Variants in NPAS3 observed in about 807,000 individuals in gnomAD.
NPAS3 encodes neuronal PAS domain-containing protein 3.
Under a neutral mutation model 73.1 loss-of-function variants are expected in NPAS3, and 14 were observed. The observed-to-expected ratio is 0.19, with a 90% CI of 0.13 to 0.30. The LOEUF (loss-of-function observed/expected upper bound fraction) is 0.30, where lower values mean the gene tolerates loss of function less well. Ranked by LOEUF, NPAS3 falls within the 10% of genes least tolerant of loss-of-function variation. The pLI is 1.00. For synonymous variants in NPAS3, 620 were observed against 541.5 expected (o/e 1.14, Z -2.01); for missense variants, 1,096 against 1,250.0 (o/e 0.88, Z 1.86).
chr14:33,556,806 C>T (rs2055376623), intron 4 of NPAS3, among the ~76,000 whole-genome samples: 1 of 152,222 alleles, frequency 6.6e-6, no homozygotes, highest in Non-Finnish European at 1.5e-5. Flanking sequence ...TATCCCCACA[C>T]CAGCTTCATC....
At chr14:33,499,645 C>T (rs952442591) in intron 4 of NPAS3, among the ~76,000 whole-genome samples, 4 of 151,912 alleles carry the variant, frequency 2.6e-5, no homozygotes, top group African/African-American at 9.7e-5. Flanking sequence ...GGGTGTGCCT[C>T]CCAACTTGCT....
intron 3 of NPAS3, among the ~76,000 whole-genome samples, chr14:33,340,929 C>A (rs1309278813): frequency 6.6e-6 from 1 of 152,172 alleles, no homozygotes; most frequent in Non-Finnish European, 1.5e-5. Context: ...ACCACTGTCA[C>A]CTTATACTAA....
At chr14:33,737,006 A>G (rs977051392) in intron 7 of NPAS3, among the ~76,000 whole-genome samples, 2 of 152,190 alleles carry the variant, frequency 1.3e-5, no homozygotes, top group Admixed American at 6.5e-5. Flanking sequence ...CAACATTCCT[A>G]AAGTGTTTTT....
intron 4 of NPAS3, among the ~76,000 whole-genome samples, chr14:33,370,065 C>G (rs552562988): frequency 6.6e-6 from 1 of 152,282 alleles, no homozygotes; most frequent in African/African-American, 2.4e-5. Flanking sequence ...TAGGCATGAT[C>G]TCCAACCTGA....
chr14:33,368,903 T>A (rs2045958988), intron 4 of NPAS3, among the ~76,000 whole-genome samples: 1 of 152,158 alleles, frequency 6.6e-6, no homozygotes, highest in Non-Finnish European at 1.5e-5. Flanking sequence ...TCTGAAGCAC[T>A]CAGAAATTGT....
intron 2 of NPAS3, among the ~76,000 whole-genome samples, chr14:33,208,560 T>A (rs2046915274): frequency 6.6e-6 from 1 of 152,218 alleles, no homozygotes; most frequent in Non-Finnish European, 1.5e-5. Flanking sequence ...ACTCTAAGTA[T>A]ACATCTTGAT....
At chr14:33,110,507 A>G (rs919965505) in intron 2 of NPAS3, among the ~76,000 whole-genome samples, 1 of 152,186 alleles carries the variant, frequency 6.6e-6, no homozygotes, top group African/African-American at 2.4e-5. Context: ...TGTTTTACTA[A>G]CTTTTTGAAC....
intron 2 of NPAS3, among the ~76,000 whole-genome samples, chr14:33,064,589 G>A (rs2041218139): frequency 1.3e-5 from 2 of 152,128 alleles, no homozygotes; most frequent in Non-Finnish European, 1.5e-5. Flanking sequence ...AGTGGTGGGC[G>A]GGGAGGGGGA....
intron 3 of NPAS3, among the ~76,000 whole-genome samples, chr14:33,232,702 CT>C (rs1020249975): frequency 3.9e-5 from 6 of 152,168 alleles, no homozygotes; most frequent in Admixed American, 1.3e-4. Flanking sequence ...TTTTCCCCTT[CT>C]CTATTTGTTC....
chr14:33,242,601 A>C (rs1355073811), intron 3 of NPAS3, among the ~76,000 whole-genome samples: 1 of 152,094 alleles, frequency 6.6e-6, no homozygotes, highest in Non-Finnish European at 1.5e-5. Context: ...GCGAGAAGAG[A>C]GGTTCAGATG....
chr14:33,320,552 G>A (rs183823276), intron 3 of NPAS3, among the ~76,000 whole-genome samples: 2 of 152,226 alleles, frequency 1.3e-5, no homozygotes, highest in African/African-American at 4.8e-5. Context: ...CATCTCCTCC[G>A]ACATGCTCAT....
intron 3 of NPAS3, among the ~76,000 whole-genome samples, chr14:33,254,946 A>G (rs150358958): frequency 2.4e-3 from 357 of 151,812 alleles, no homozygotes; most frequent in African/African-American, 8.4e-3. Flanking sequence ...TTCTGGAAAC[A>G]TTGGAGGAAT....
intron 2 of NPAS3, among the ~76,000 whole-genome samples, chr14:33,148,814 A>G (rs1398050438): frequency 1.3e-5 from 2 of 152,060 alleles, no homozygotes; most frequent in African/African-American, 2.4e-5. Flanking sequence ...CAGCGTCCCA[A>G]GTAGCTAGGA....
chr14:33,278,789 A>G (rs2041454919), intron 3 of NPAS3, among the ~76,000 whole-genome samples: 1 of 152,216 alleles, frequency 6.6e-6, no homozygotes, highest in African/African-American at 2.4e-5. Flanking sequence ...CAAATATATC[A>G]TACCACATTT....
chr14:33,635,681 G>A (rs1355256614), intron 5 of NPAS3, among the ~76,000 whole-genome samples: 1 of 152,154 alleles, frequency 6.6e-6, no homozygotes, highest in Non-Finnish European at 1.5e-5. Flanking sequence ...CAGATGTAAT[G>A]TTCTGTATGA....
intron 1 of NPAS3, among the ~76,000 whole-genome samples, chr14:32,964,373 A>C (rs1271802215): frequency 1.3e-5 from 2 of 152,116 alleles, no homozygotes; most frequent in Non-Finnish European, 2.9e-5. Context: ...TTTGATAGCC[A>C]GGATTGCAGT....
chr14:33,165,791 T>A (rs2045115183), intron 2 of NPAS3, among the ~76,000 whole-genome samples: 1 of 151,992 alleles, frequency 6.6e-6, no homozygotes. Flanking sequence ...AACAAAACTG[T>A]CAAGCACAGT....
intron 3 of NPAS3, among the ~76,000 whole-genome samples, chr14:33,355,276 C>T (rs1251552368): frequency 6.6e-6 from 1 of 152,170 alleles, no homozygotes. Context: ...GTTAGATGCT[C>T]CTTTTCCTGC....
At chr14:33,403,915 A>T (rs546660023) in intron 4 of NPAS3, among the ~76,000 whole-genome samples, 1 of 152,256 alleles carries the variant, frequency 6.6e-6, no homozygotes, top group South Asian at 2.1e-4. Context: ...AAAATCTGAC[A>T]GTCCTACATC....
Sources: allele counts gnomAD v4.1 joint callset (sites outside exome capture counted in the v4.1 genomes callset), GRCh38; gene constraint gnomAD v4.1.1; transcripts MANE v1.5; gene names NCBI Gene and HGNC (gene_info 2026-07-23, HGNC 2026-07-21).